The following GABRA3 variants were observed in gnomAD, a reference collection of about 807,000 sequenced individuals.
GABRA3 encodes the protein gamma-aminobutyric acid receptor subunit alpha-3.
Under a neutral mutation model 30.1 loss-of-function variants are expected in GABRA3, and 10 were observed. That is an observed-to-expected ratio of 0.33 (90% CI 0.20 to 0.56). The LOEUF (loss-of-function observed/expected upper bound fraction) is 0.56, where lower values mean the gene tolerates loss of function less well. Ranked by LOEUF, GABRA3 falls within the 20% of genes least tolerant of loss-of-function variation. The pLI, the probability that GABRA3 is intolerant of heterozygous loss-of-function variation, is 0.89. For synonymous variants in GABRA3, 151 were observed against 146.8 expected (o/e 1.03, Z -0.21); for missense variants, 233 against 392.0 (o/e 0.59, Z 3.42).
chrX:152,432,017 C>T (rs925614927), intron 1 of GABRA3, among the ~76,000 whole-genome samples: 55 of 111,705 alleles, frequency 4.9e-4, no homozygotes, highest in African/African-American at 1.7e-3. Flanking sequence ...CAATGGTAAA[C>T]TAATACAACA....
At chrX:152,407,284 A>C (rs1280776289) in intron 1 of GABRA3, among the ~76,000 whole-genome samples, 3 of 111,865 alleles carry the variant, frequency 2.7e-5, no homozygotes, top group African/African-American at 9.7e-5. Flanking sequence ...GATCACCAAA[A>C]TGAAAACTTG....
intron 3 of GABRA3, among the ~76,000 whole-genome samples, chrX:152,286,118 TA>T (rs1334958827): frequency 1.2e-5 from 1 of 86,147 alleles, no homozygotes; most frequent in Non-Finnish European, 2.3e-5. Flanking sequence ...TTATATACTA[TA>T]AGTATAGTAT....
intron 5 of GABRA3, among the ~76,000 whole-genome samples, chrX:152,240,354 T>C (rs201471447): frequency 0.12 from 10,498 of 89,135 alleles, 1,067 homozygotes; most frequent in Admixed American, 0.17. Flanking sequence ...GGGTTTCTGC[T>C]GAGAGATCCG....
chrX:152,359,556 G>T (rs1488472297), intron 2 of GABRA3, among the ~76,000 whole-genome samples: 1 of 110,252 alleles, frequency 9.1e-6, no homozygotes, highest in African/African-American at 3.3e-5. Flanking sequence ...ATTTCCTTCA[G>T]TTCAGCTCTG....
chrX:152,196,334 G>A (rs1436563485), intron 8 of GABRA3, among the ~76,000 whole-genome samples: 2 of 103,753 alleles, frequency 1.9e-5, no homozygotes, highest in Non-Finnish European at 3.9e-5. Context: ...GAGGCGGGGG[G>A]TTGCAGTGAG....
intron 4 of GABRA3, among the ~76,000 whole-genome samples, chrX:152,269,068 T>C: frequency 8.9e-6 from 1 of 112,045 alleles, no homozygotes. Flanking sequence ...CTATGGAGCA[T>C]CATTTGCAGA....
At chrX:152,194,641 A>T (rs2124351317) in intron 8 of GABRA3, among the ~76,000 whole-genome samples, 1 of 112,324 alleles carries the variant, frequency 8.9e-6, no homozygotes, top group African/African-American at 3.2e-5. Context: ...CTTCTAAGAT[A>T]ATCATATTTT....
At chrX:152,328,628 C>T (rs769356983) in intron 3 of GABRA3, among the ~76,000 whole-genome samples, 8 of 111,523 alleles carry the variant, frequency 7.2e-5, no homozygotes, top group Admixed American at 2.9e-4. Context: ...ATGCAGAAAA[C>T]GCCTTTGACA....
intron 9 of GABRA3, among the ~76,000 whole-genome samples, chrX:152,189,134 G>A: frequency 8.9e-6 from 1 of 111,844 alleles, no homozygotes; most frequent in Non-Finnish European, 1.9e-5. Context: ...GTGAGAGGAA[G>A]ACAAAAACTA....
intron 1 of GABRA3, among the ~76,000 whole-genome samples, chrX:152,404,591 A>C (rs1929878506): frequency 1.8e-5 from 2 of 110,357 alleles, no homozygotes; most frequent in South Asian, 7.9e-4. Flanking sequence ...TGAGGGGCTC[A>C]AACTTTCAAC....
intron 2 of GABRA3, among the ~76,000 whole-genome samples, chrX:152,356,898 C>T (rs1432526584): frequency 1.8e-5 from 2 of 111,834 alleles, no homozygotes; most frequent in African/African-American, 6.5e-5. Flanking sequence ...CCAGCTGCAT[C>T]CATGTTGCTG....
intron 5 of GABRA3, among the ~76,000 whole-genome samples, chrX:152,235,173 G>C (rs1938173635): frequency 9.0e-6 from 1 of 111,315 alleles, no homozygotes; most frequent in Non-Finnish European, 1.9e-5. Context: ...TCGTTGTTGA[G>C]ATCTTTCACC....
At chrX:152,356,699 AG>A (rs1940555010) in intron 2 of GABRA3, among the ~76,000 whole-genome samples, 1 of 111,233 alleles carries the variant, frequency 9.0e-6, no homozygotes, top group Non-Finnish European at 1.9e-5. Flanking sequence ...CCAGGTAATA[AG>A]CATAGTACCC....
At chrX:152,256,550 A>T (rs893448043) in intron 4 of GABRA3, among the ~76,000 whole-genome samples, 4 of 112,245 alleles carry the variant, frequency 3.6e-5, no homozygotes, top group African/African-American at 1.3e-4. Context: ...CAAATAAGAT[A>T]AAAATGGGTA....
chrX:152,369,435 TC>T (rs1384847300), intron 1 of GABRA3, among the ~76,000 whole-genome samples: 1 of 110,918 alleles, frequency 9.0e-6, no homozygotes, highest in Non-Finnish European at 1.9e-5. Context: ...GCTAGTCTCA[TC>T]CCCTACTACC....
At chrX:152,358,712 G>C (rs1458281936) in intron 2 of GABRA3, among the ~76,000 whole-genome samples, 1 of 111,239 alleles carries the variant, frequency 9.0e-6, no homozygotes, top group East Asian at 2.8e-4. Flanking sequence ...TTTGAAGTAT[G>C]TTCCTTCAAT....
chrX:152,204,729 A>G (rs1937518756), intron 7 of GABRA3, among the ~76,000 whole-genome samples: 1 of 111,939 alleles, frequency 8.9e-6, no homozygotes, highest in Non-Finnish European at 1.9e-5. Context: ...AAGAATGACA[A>G]TATCTTGTTG....
chrX:152,283,729 G>A (rs1275390393), intron 4 of GABRA3, among the ~76,000 whole-genome samples: 1 of 111,959 alleles, frequency 8.9e-6, no homozygotes, highest in South Asian at 3.7e-4. Context: ...TCCAACAGGC[G>A]GAAAGAAGCT....
chrX:152,243,876 A>C (rs148766948), intron 5 of GABRA3, among the ~76,000 whole-genome samples: 13,857 of 111,853 alleles, frequency 0.12, 722 homozygotes, highest in Admixed American at 0.22. Flanking sequence ...AATCCCTGCT[A>C]TTGACTAAAA....
Sources: gnomAD v4.1 joint callset for allele counts (sites outside exome capture counted in the v4.1 genomes callset) on GRCh38, gnomAD v4.1.1 for gene constraint, MANE v1.5 for transcripts, NCBI Gene and HGNC (gene_info 2026-07-23, HGNC 2026-07-21) for gene names.